SLC35G2: variants seen among roughly 807,000 people sequenced by gnomAD.
The protein encoded by SLC35G2 is transmembrane protein 22.
Under a neutral mutation model 27.2 loss-of-function variants are expected in SLC35G2, and 20 were observed. The ratio of observed to expected loss-of-function variants is 0.74; its 90% confidence interval spans 0.52 to 1.07. The LOEUF is 1.07. SLC35G2 is among the 50% of genes least tolerant of loss of function. The pLI is 0.00. For synonymous variants in SLC35G2, 148 were observed against 165.3 expected (o/e 0.90, Z 0.80); for missense variants, 416 against 493.3 (o/e 0.84, Z 1.48).
At chr3:136,829,273 G>T (rs560984073) in intron 1 of SLC35G2, among the ~76,000 whole-genome samples, 1 of 151,848 alleles carries the variant, frequency 6.6e-6, no homozygotes, top group East Asian at 1.9e-4. Flanking sequence ...CCAGGCTGGA[G>T]TGCAGTGGCG....
At chr3:136,830,194 C>G (rs548428411) in intron 1 of SLC35G2, among the ~76,000 whole-genome samples, 4 of 151,024 alleles carry the variant, frequency 2.6e-5, no homozygotes, top group Non-Finnish European at 5.9e-5. Context: ...CTGCAATCTC[C>G]GCCTCCCAGG....
chr3:136,825,275 CTG>C lies in SLC35G2; in HGVS notation c.-19+5649_-19+5650del, dbSNP rs558906231. 9.9e-5 allele frequency among the ~76,000 whole-genome samples: 14 copies of C among 141,444 alleles called. No individual in the cohort carries two copies. In the East Asian group the frequency reaches 2.9e-3, roughly 29 times the overall value. 92.8% of individuals were successfully genotyped at this position (141,444 alleles called of 152,430 possible). A position where few individuals can be genotyped will look rare whatever the true frequency, so the allele number is the denominator to read the frequency against. On this transcript the variant is annotated intron_variant, in intron 1 of 1. Coordinates refer to ENST00000446465, the MANE Select transcript of SLC35G2 (RefSeq NM_025246.3). ...TTTTTTTTTGAGACAGAGCCTTGCTCTGTTGTTCTGGCTGGCGTGCAGTGGTG... is the reference window on the plus strand; with the variant it reads ...TTTTTTTTTGAGACAGAGCCTTGCTCTTGTTCTGGCTGGCGTGCAGTGGTG...
intron 1 of SLC35G2, among the ~76,000 whole-genome samples, chr3:136,845,894 G>A (rs558959171): frequency 4.6e-4 from 68 of 146,370 alleles, no homozygotes; most frequent in Non-Finnish European, 8.4e-4. Flanking sequence ...GCACCCGGCC[G>A]TAAAAAAAAA....
At chr3:136,839,751 G>C (rs1377522278) in intron 1 of SLC35G2, among the ~76,000 whole-genome samples, 6 of 152,132 alleles carry the variant, frequency 3.9e-5, no homozygotes, top group Admixed American at 6.6e-5. Flanking sequence ...CTGCATAGCT[G>C]ATAAGCCCCT....
At chr3:136,852,421 G>C (rs1045149645) in intron 1 of SLC35G2, among the ~76,000 whole-genome samples, 5 of 151,874 alleles carry the variant, frequency 3.3e-5, no homozygotes, top group Non-Finnish European at 7.4e-5. Flanking sequence ...CATTGTTTAA[G>C]ATCCTGGAAC....
chr3:136,854,821 A>G lies in SLC35G2; in HGVS notation c.361A>G (p.Ile121Val), dbSNP rs911641319. The change falls in exon 2 of 2, where the codon ATC (isoleucine) becomes GTC (valine). Residue 121 changes from isoleucine (I) to valine (V), a missense_variant. Transcript: ENST00000446465. ...TTTGGCTCATGGATGTGTAGCTCTT[A>G]TCACTAGGCTTGTTTCTGATCGGTC... ...SALAHGCVAL[I>V]TRLVSDRSKV... is the part of the protein sequence containing the mutation. The G allele has an allele frequency of 6.2e-7, 1 of 1,614,066 alleles. No homozygotes were observed.
intron 1 of SLC35G2, among the ~76,000 whole-genome samples, chr3:136,852,435 T>C (rs540826132): frequency 6.6e-6 from 1 of 151,904 alleles, no homozygotes; most frequent in Admixed American, 6.6e-5. Context: ...CTGGAACCGA[T>C]GAGTTTTTGG....
chr3:136,849,968 G>T (rs371521680), intron 1 of SLC35G2, among the ~76,000 whole-genome samples: 1 of 152,108 alleles, frequency 6.6e-6, no homozygotes, highest in Non-Finnish European at 1.5e-5. Context: ...TTAGCCAGGC[G>T]TAGTGGCACA....
At chr3:136,823,432 A>T (rs1936506890) in intron 1 of SLC35G2, among the ~76,000 whole-genome samples, 1 of 151,858 alleles carries the variant, frequency 6.6e-6, no homozygotes, top group African/African-American at 2.4e-5. Context: ...CCATTTATTC[A>T]TTTTTGCTTT....
At chr3:136,853,286 G>T (rs1937764730) in intron 1 of SLC35G2, among the ~76,000 whole-genome samples, 1 of 151,854 alleles carries the variant, frequency 6.6e-6, no homozygotes, top group African/African-American at 2.4e-5. Context: ...AGTAGAAATG[G>T]CATTTCACCA....
chr3:136,837,765 C>T (rs1026106586), intron 1 of SLC35G2: 1 of 152,022 alleles, frequency 6.6e-6, no homozygotes. Context: ...TAGGATATAT[C>T]CCTGAAAATA....
At chr3:136,840,506 C>G (rs550155830) in intron 1 of SLC35G2, among the ~76,000 whole-genome samples, 1 of 151,620 alleles carries the variant, frequency 6.6e-6, no homozygotes, top group South Asian at 2.1e-4. Flanking sequence ...TCTTCCTCCC[C>G]TCCCTCCCTT....
intron 1 of SLC35G2, among the ~76,000 whole-genome samples, chr3:136,834,748 T>G (rs1282197692): frequency 2.0e-5 from 3 of 152,220 alleles, no homozygotes; most frequent in Non-Finnish European, 4.4e-5. Flanking sequence ...ACCACACATA[T>G]TAACTCATGT....
chr3:136,830,533 T>C (rs1199799243), intron 1 of SLC35G2, among the ~76,000 whole-genome samples: 1 of 152,160 alleles, frequency 6.6e-6, no homozygotes, highest in African/African-American at 2.4e-5. Context: ...TCTGCCTGCC[T>C]TGGCCTCCCA....
intron 1 of SLC35G2, among the ~76,000 whole-genome samples, chr3:136,840,678 C>T (rs773600987): frequency 6.6e-6 from 1 of 151,712 alleles, no homozygotes. Flanking sequence ...GGCTGAAGTG[C>T]AGTGGCGTGA....
chr3:136,847,106 G>A (rs933117946), intron 1 of SLC35G2, among the ~76,000 whole-genome samples: 1 of 152,172 alleles, frequency 6.6e-6, no homozygotes, highest in Non-Finnish European at 1.5e-5. Flanking sequence ...GAACCTGGGA[G>A]GTGGAGGTTG....
chr3:136,839,534 A>G (rs986213424), intron 1 of SLC35G2, among the ~76,000 whole-genome samples: 25 of 152,272 alleles, frequency 1.6e-4, no homozygotes, highest in African/African-American at 6.0e-4. Flanking sequence ...GAGAGAGGCC[A>G]GGCTTCTCCC....
intron 1 of SLC35G2, among the ~76,000 whole-genome samples, chr3:136,850,178 C>T (rs1937579892): frequency 6.6e-6 from 1 of 152,174 alleles, no homozygotes; most frequent in African/African-American, 2.4e-5. Context: ...CCAAGTGATA[C>T]AGTTTGTTTC....
At chr3:136,834,406 T>C (rs1355238071) in intron 1 of SLC35G2, among the ~76,000 whole-genome samples, 2 of 152,192 alleles carry the variant, frequency 1.3e-5, no homozygotes, top group Non-Finnish European at 2.9e-5. Context: ...TGATTTTGGC[T>C]TACTGCAACC....
Sources: gnomAD v4.1 joint callset for allele counts (sites outside exome capture counted in the v4.1 genomes callset) on GRCh38, gnomAD v4.1.1 for gene constraint, MANE v1.5 for transcripts, NCBI Gene and HGNC (gene_info 2026-07-23, HGNC 2026-07-21) for gene names.